Variants in AGBL2 observed in about 807,000 individuals in gnomAD.
The protein encoded by AGBL2 is cytosolic carboxypeptidase 2.
In AGBL2, 87 loss-of-function variants were observed where a neutral mutation model predicts 103.0. The ratio of observed to expected loss-of-function variants is 0.84; its 90% CI spans 0.71 to 1.01. AGBL2 has a LOEUF of 1.01. AGBL2 is among the 50% of genes least tolerant of loss of function. AGBL2 has a pLI of 0.00. For synonymous variants in AGBL2, 335 were observed against 356.7 expected, an observed-to-expected ratio of 0.94 and a Z score of 0.69; for missense variants, 904 against 1,023.5, an observed-to-expected ratio of 0.88 and a Z score of 1.59.
intron 11 of AGBL2, among the ~76,000 whole-genome samples, chr11:47,684,511 G>T (rs34102560): frequency 2.7e-5 from 4 of 150,090 alleles, no homozygotes; most frequent in African/African-American, 9.8e-5. Context: ...AGCCGAGATC[G>T]CGCCACTGCA....
chr11:47,697,052 C>T (rs1315381287), intron 8 of AGBL2, among the ~76,000 whole-genome samples: 1 of 152,020 alleles, frequency 6.6e-6, no homozygotes, highest in Non-Finnish European at 1.5e-5. Flanking sequence ...CCTCAGCCCC[C>T]CAAGTAGCTG....
At chr11:47,662,119 T>C (rs1161801581) in intron 18 of AGBL2, among the ~76,000 whole-genome samples, 1 of 152,138 alleles carries the variant, frequency 6.6e-6, no homozygotes, top group Non-Finnish European at 1.5e-5. Flanking sequence ...AATGTTATTA[T>C]AGGGATAAAT....
rs925185746 is a variant in AGBL2, at chr11:47,710,184, G to A, written c.232+193C>T. ...GATTACAGGCGTGATCACCATGCCC[G>A]GCTAGAAAATACAGTATTTTGATTT... On this transcript the variant is annotated intron_variant, in intron 4 of 18. Coordinates refer to ENST00000525123, the MANE Select transcript of AGBL2 (RefSeq NM_024783.4). 108 of 643,894 alleles carry A rather than the reference G, an allele frequency of 1.7e-4. 1 individual carries two copies. Among genetic ancestry groups the A allele is most frequent in the East Asian group, 5.1e-4 (17 of 33,312 alleles). 39.9% of individuals were successfully genotyped at this position (643,894 alleles called of 1,614,324 possible). A position where few individuals can be genotyped will look rare whatever the true frequency, so the allele number is the denominator to read the frequency against.
chr11:47,681,821 T>G lies in AGBL2; in HGVS notation c.1915+148A>C. The G allele has an allele frequency of 3.1e-6, 3 of 953,290 alleles. No individual in the cohort carries two copies. In the Admixed American group the frequency reaches 8.5e-5, roughly 27 times the overall value. The allele number at this position is 953,290 out of a possible 1,614,324, so 59.1% of individuals were successfully genotyped here. On this transcript the variant is annotated intron_variant, in intron 12 of 18. Transcript: ENST00000525123. ...TCATCAAATATATTTCACATTCATA[T>G]GTTGGGCACTCAAATTTAGCATAAG...
chr11:47,687,218 T>C (rs1017723617), intron 10 of AGBL2, among the ~76,000 whole-genome samples: 8 of 151,796 alleles, frequency 5.3e-5, no homozygotes, highest in Non-Finnish European at 8.8e-5. Flanking sequence ...GAAGGGTGCC[T>C]GGTGCACACA....
At chr11:47,714,220 G>C (rs1176159694) in intron 3 of AGBL2, 64 bp downstream of exon 3, 3 of 1,287,760 alleles carry the variant, frequency 2.3e-6, no homozygotes, top group Non-Finnish European at 3.4e-6. Context: ...AACCCTCCCA[G>C]CTAACGAAGC....
At chr11:47,669,681 A>T (rs75939012) in intron 14 of AGBL2, among the ~76,000 whole-genome samples, 2 of 72,702 alleles carry the variant, frequency 2.8e-5, no homozygotes, top group South Asian at 6.6e-4. Flanking sequence ...CTGTCTCAAT[A>T]AAAAAAAAAA....
intron 4 of AGBL2, among the ~76,000 whole-genome samples, chr11:47,706,889 TC>T (rs374682137): frequency 0.68 from 20,835 of 30,782 alleles, 7,541 homozygotes; most frequent in African/African-American, 0.73. Flanking sequence ...TCTCTACTAT[TC>T]CAAAAAAAAA....
At chr11:47,700,200 G>A (rs997419899) in intron 7 of AGBL2, among the ~76,000 whole-genome samples, 18 of 151,942 alleles carry the variant, frequency 1.2e-4, no homozygotes, top group African/African-American at 3.9e-4. Context: ...CAGGTGATCC[G>A]CCCTCCTCTG....
chr11:47,701,535 TTCCAGTG>T (rs1363349701), intron 7 of AGBL2, among the ~76,000 whole-genome samples: 1 of 151,562 alleles, frequency 6.6e-6, no homozygotes, highest in African/African-American at 2.4e-5. Context: ...GGTTATTAAA[TTCCAGTG>T]TCCTTGCTGG....
intron 14 of AGBL2, among the ~76,000 whole-genome samples, chr11:47,671,907 ACAC>A (rs1309878039): frequency 6.6e-5 from 10 of 152,330 alleles, no homozygotes; most frequent in Non-Finnish European, 1.2e-4. Flanking sequence ...CTGGGCTTGT[ACAC>A]TCACAGTCTG....
rs371686577 is a variant in AGBL2 at position 47,706,620 on chromosome 11, C to T, written c.233-703G>A. Reference sequence around the variant, plus strand: ...GAGAGGTGGCGTGTGCCTATAGTCCCACCTAGTCCAGAGGCTGCAGGGTAG... The same window carrying T: ...GAGAGGTGGCGTGTGCCTATAGTCCTACCTAGTCCAGAGGCTGCAGGGTAG... On this transcript the variant is annotated intron_variant, in intron 4 of 18. Transcript: ENST00000525123. Among the ~76,000 whole-genome samples the T allele has an allele frequency of 2.6e-5, 4 of 152,206 alleles. No homozygotes were observed. The South Asian group carries it at 6.2e-4, about 24-fold the overall frequency.
chr11:47,671,442 C>T (rs889087924), intron 14 of AGBL2, among the ~76,000 whole-genome samples: 1 of 152,100 alleles, frequency 6.6e-6, no homozygotes, highest in Non-Finnish European at 1.5e-5. Context: ...ATTGCTTGAA[C>T]CCGGGAGGTG....
intron 11 of AGBL2, among the ~76,000 whole-genome samples, chr11:47,685,484 C>A (rs914691544): frequency 2.0e-5 from 3 of 151,830 alleles, no homozygotes; most frequent in African/African-American, 7.3e-5. Context: ...TGCAATGGCA[C>A]GATCTCTGCT....
At chr11:47,705,784 G>T in intron 5 of AGBL2, 80 bp downstream of exon 5, 1 of 1,250,224 alleles carries the variant, frequency 8.0e-7, no homozygotes, top group Non-Finnish European at 1.2e-6. Context: ...TAATTCTTAG[G>T]TCTGGTGGGA....
chr11:47,703,940 A>C (rs1337137729), intron 7 of AGBL2, among the ~76,000 whole-genome samples: 3 of 94,426 alleles, frequency 3.2e-5, no homozygotes, highest in East Asian at 4.1e-4. Flanking sequence ...AAAAAAAAAA[A>C]CAAAAAAAAA....
chr11:47,662,040 C>T (rs569806905), intron 18 of AGBL2, among the ~76,000 whole-genome samples: 2 of 152,084 alleles, frequency 1.3e-5, no homozygotes, highest in Non-Finnish European at 2.9e-5. Context: ...TAAGCCACCG[C>T]GCCTGGCCTC....
chr11:47,696,272 T>C (rs565425034), intron 8 of AGBL2, among the ~76,000 whole-genome samples: 2 of 152,014 alleles, frequency 1.3e-5, no homozygotes, highest in East Asian at 3.9e-4. Flanking sequence ...TGTTTGTTTT[T>C]TGTTTTTTGA....
At chr11:47,668,613 G>A (rs933303723) in intron 15 of AGBL2, among the ~76,000 whole-genome samples, 3 of 152,314 alleles carry the variant, frequency 2.0e-5, no homozygotes, top group Middle Eastern at 3.4e-3. Context: ...ATCATTAAAT[G>A]TGTGGTTAAA....
Sources: allele counts gnomAD v4.1 joint callset (sites outside exome capture counted in the v4.1 genomes callset), GRCh38; gene constraint gnomAD v4.1.1; transcripts MANE v1.5; gene names NCBI Gene and HGNC (gene_info 2026-07-23, HGNC 2026-07-21).